GREB1: variants seen among roughly 807,000 people sequenced by gnomAD.
GREB1 encodes protein GREB1.
GREB1 carries 106 observed loss-of-function variants against 200.7 expected under a neutral mutation model. The observed-to-expected ratio is 0.53, with a 90% confidence interval of 0.45 to 0.62. The LOEUF (loss-of-function observed/expected upper bound fraction) is 0.62, where lower values mean the gene tolerates loss of function less well. Ranked by LOEUF, GREB1 falls within the 20% of genes least tolerant of loss-of-function variation. GREB1 has a pLI of 0.00. For missense variants in GREB1, 2,243 were observed against 2,556.8 expected, an observed-to-expected ratio of 0.88 and a Z score of 2.65; for synonymous variants, 1,132 against 1,092.4, an observed-to-expected ratio of 1.04 and a Z score of -0.72.
At chr2:11,595,106 A>G in intron 11 of GREB1, 145 bp from the exon 12 acceptor site, 1 of 618,516 alleles carries the variant, frequency 1.6e-6, no homozygotes, top group African/African-American at 1.8e-5. Flanking sequence ...ACCTGACAGC[A>G]GGCCTGGGAG....
intron 1 of GREB1, among the ~76,000 whole-genome samples, chr2:11,550,685 A>G (rs1675729116): frequency 1.3e-5 from 2 of 152,184 alleles, no homozygotes. Context: ...TGGGCTTGGA[A>G]AGGACACTTT....
At chr2:11,573,353 A>T (rs1678508938) in intron 4 of GREB1, among the ~76,000 whole-genome samples, 1 of 152,206 alleles carries the variant, frequency 6.6e-6, no homozygotes, top group South Asian at 2.1e-4. Context: ...TTCCATGGTG[A>T]GGACACTGAA....
intron 1 of GREB1, among the ~76,000 whole-genome samples, chr2:11,553,281 T>C (rs1023772843): frequency 6.6e-6 from 1 of 151,958 alleles, no homozygotes; most frequent in South Asian, 2.1e-4. Context: ...GGGAGCTCTC[T>C]TGAGCCCAGG....
chr2:11,571,301 A>G (rs1468910390), intron 4 of GREB1, among the ~76,000 whole-genome samples: 2 of 152,140 alleles, frequency 1.3e-5, no homozygotes, highest in Admixed American at 6.5e-5. Context: ...TGGAAGGAAC[A>G]TAGAGTTGCT....
At chr2:11,538,673 CTTTCT>C (rs1674433640) in intron 1 of GREB1, among the ~76,000 whole-genome samples, 12 of 45,780 alleles carry the variant, frequency 2.6e-4, no homozygotes, top group African/African-American at 6.1e-4. Flanking sequence ...TTCTTTCTTT[CTTTCT>C]TTCTTTCTTT....
chr2:11,485,532 C>T (rs2148394270), intron 1 of GREB1, among the ~76,000 whole-genome samples: 1 of 152,242 alleles, frequency 6.6e-6, no homozygotes, highest in East Asian at 1.9e-4. Context: ...CCTCAGCCTC[C>T]CAAAGTGCTG....
intron 9 of GREB1, among the ~76,000 whole-genome samples, 165 bp downstream of exon 9, chr2:11,586,070 C>G (rs555096465): frequency 6.6e-6 from 1 of 152,348 alleles, no homozygotes; most frequent in Admixed American, 6.5e-5. Context: ...GAGCCAGTCA[C>G]TAGCTCAGCC....
At position 11,618,457 on chromosome 2, in the gene GREB1, C is replaced by T. The variant is rs200161857; in HGVS notation, c.3582C>T (p.Pro1194=). ...GPPSAISRHS[P]GPTPQPDCSL... is the part of the protein sequence containing the mutation. ...CCTCGGCCATCAGCAGGCACAGTCC[C>T]GGGCCGACGCCCCAGCCCGACTGTA... Residue 1194 remains proline (P), a synonymous_variant, in exon 22 of 33, where the codon CCC becomes CCT. Coordinates refer to ENST00000381486, the MANE Select transcript of GREB1 (RefSeq NM_014668.4). 162 of 1,604,798 alleles carry T rather than the reference C, an allele frequency of 1.0e-4. No individual in the cohort carries two copies. The highest frequency in any genetic ancestry group is 3.3e-4 in the South Asian group (30 of 89,952).
At position 11,495,070 on chromosome 2, in the gene GREB1, G is replaced by A. The variant is rs79280620; in HGVS notation, c.-159+12689G>A. Among the ~76,000 whole-genome samples, 481 of 152,220 alleles carry A rather than the reference G, an allele frequency of 3.2e-3. 3 individuals carry two copies. The highest frequency in any genetic ancestry group is 3.9e-3 in the Non-Finnish European group (268 of 68,018). ...GTCTCCCCCGCTTGCCCCTGCCCCC[G>A]GTGACATTGATTGGTCTTCCTGGGG... On this transcript the variant is annotated intron_variant, in intron 1 of 2. Transcript: ENST00000628795.
chr2:11,554,229 A>G (rs1042072278), intron 1 of GREB1, among the ~76,000 whole-genome samples: 2 of 152,092 alleles, frequency 1.3e-5, no homozygotes, highest in African/African-American at 4.8e-5. Flanking sequence ...TCCTGAAGCA[A>G]TCTTCCCACA....
At position 11,548,333 on chromosome 2, in the gene GREB1, C is replaced by T. The variant is rs1325709764; in HGVS notation, c.-161-8121C>T. The stretch of plus-strand genomic sequence containing the variant: ...ATGCACACACACGCACACACCCAGA[C>T]ACGTGCACACATGCATATACCCCAA... On this transcript the variant is annotated intron_variant, in intron 1 of 32. Coordinates refer to ENST00000381486, the MANE Select transcript of GREB1 (RefSeq NM_014668.4). This position sits in a 1 kb window ranked among gnomAD's most constrained non-coding sequence, Gnocchi z 5.1. Among the ~76,000 whole-genome samples, 1 of 145,194 alleles carries T rather than the reference C, an allele frequency of 6.9e-6. No homozygotes were observed. The highest frequency in any genetic ancestry group is 2.9e-5 in the African/African-American group (1 of 34,916).
At chr2:11,608,749 A>G (rs1028350941) in intron 17 of GREB1, among the ~76,000 whole-genome samples, 4 of 152,192 alleles carry the variant, frequency 2.6e-5, no homozygotes, top group Non-Finnish European at 4.4e-5. Context: ...AACTTGAGAC[A>G]TTGTTCCCTT....
chr2:11,585,055 A>AG, intron 7 of GREB1, 106 bp from the exon 8 acceptor site: 1 of 561,344 alleles, frequency 1.8e-6, no homozygotes, highest in Non-Finnish European at 3.0e-6. Context: ...TGTGATTAGA[A>AG]AAAAAAAAAC....
intron 20 of GREB1, 70 bp from the exon 21 acceptor site, chr2:11,616,561 C>A: frequency 1.1e-6 from 1 of 934,126 alleles, no homozygotes; most frequent in Non-Finnish European, 1.8e-6. Context: ...ACTTTACACA[C>A]TGTGAAGTGC....
At chr2:11,529,542 C>T (rs764559432), upstream of GREB1, among the ~76,000 whole-genome samples, 74 of 152,238 alleles carry the variant, frequency 4.9e-4, no homozygotes, top group Non-Finnish European at 6.6e-4. Context: ...TCTAGGGGAG[C>T]GATTTATGTA....
chr2:11,602,318 C>T (rs1681850588), intron 16 of GREB1, 88 bp from the exon 17 acceptor site: 1 of 1,211,258 alleles, frequency 8.3e-7, no homozygotes, highest in African/African-American at 1.5e-5. Flanking sequence ...AAGTTGCCAA[C>T]CCAGGTCATC....
At chr2:11,537,108 ACCCGC>A in intron 1 of GREB1, among the ~76,000 whole-genome samples, 1 of 151,930 alleles carries the variant, frequency 6.6e-6, no homozygotes, top group South Asian at 2.1e-4. Flanking sequence ...GATTACAGGC[ACCCGC>A]CACCGCGCCT....
Position 11,640,168 on chromosome 2 carries a change from G to A in GREB1, c.5687-123G>A. The A allele has an allele frequency of 2.4e-6, 2 of 842,868 alleles. No homozygotes were observed. The highest frequency in any genetic ancestry group is 3.6e-6 in the Non-Finnish European group (2 of 551,726). 52.2% of individuals were successfully genotyped at this position (842,868 alleles called of 1,614,324 possible). A position where few individuals can be genotyped will look rare whatever the true frequency, so the allele number is the denominator to read the frequency against. On this transcript the variant is annotated intron_variant, in intron 32 of 32. Coordinates refer to ENST00000381486, the MANE Select transcript of GREB1 (RefSeq NM_014668.4). The surrounding 1 kb of genome is among the most constrained non-coding windows in gnomAD (Gnocchi z 4.6). The stretch of plus-strand genomic sequence containing the variant: ...CCGAAAGAAGCAAGGGGCCGACTTG[G>A]ATGCCGCTTCTGCCCTTCCCAACAG...
chr2:11,484,308 G>A (rs1304287310), intron 1 of GREB1, among the ~76,000 whole-genome samples: 2 of 152,216 alleles, frequency 1.3e-5, no homozygotes, highest in African/African-American at 4.8e-5. Context: ...CGGAACACAG[G>A]TGAGGAGATC....
Sources: gnomAD v4.1 joint callset for allele counts (sites outside exome capture counted in the v4.1 genomes callset) on GRCh38, gnomAD v4.1.1 for gene constraint, Gnocchi (gnomAD v3.1) non-coding constraint, MANE v1.5 for transcripts, NCBI Gene and HGNC (gene_info 2026-07-23, HGNC 2026-07-21) for gene names.